The following CCDC71 variants were observed in gnomAD, a reference collection of about 807,000 sequenced individuals.
CCDC71 encodes coiled-coil domain containing 71.
For missense variants in CCDC71, 594 were observed against 604.0 expected (o/e 0.98, Z 0.17); for synonymous variants, 257 against 242.2 (o/e 1.06, Z -0.57).
In CCDC71 at chr3:49,163,465, G is replaced by A; in HGVS notation, c.744C>T (p.Pro248=). The change falls in exon 2 of 2, where the codon CCC becomes CCT. Residue 248 remains proline (P), a synonymous_variant. Transcript: ENST00000321895. Reference sequence around the variant, plus strand: ...TGCTCTGGTGCCCAGAGCCTCGTCGGGGTCCAGCCCCAGGGCCTTTGCGAG... The same window carrying A: ...TGCTCTGGTGCCCAGAGCCTCGTCGAGGTCCAGCCCCAGGGCCTTTGCGAG... ...CLTRKGPGAG[P]RRGSGHQSKT... 6.2e-7 allele frequency: 1 copy of A among 1,614,236 alleles called. No individual in the cohort carries two copies. The highest frequency in any genetic ancestry group is 8.5e-7 in the Non-Finnish European group (1 of 1,180,050).
In CCDC71 at chr3:49,162,659, T is replaced by G; in HGVS notation, c.*146A>C. 4 of 114,262 alleles carry G rather than the reference T, an allele frequency of 3.5e-5. No homozygotes were observed. The highest frequency in any genetic ancestry group is 3.2e-4 in the East Asian group (1 of 3,128). The allele number at this position is 114,262 out of a possible 1,614,324, so 7.1% of individuals were successfully genotyped here. On this transcript the variant is annotated 3_prime_UTR_variant, in exon 2 of 2. Coordinates refer to ENST00000321895, the MANE Select transcript of CCDC71 (RefSeq NM_022903.4). ...CCCCACCGTACCCCACCCACTCTGG[T>G]TTCTGAAAGGAGGCTGGTGGTCACC...
chr3:49,162,764 C>G lies in CCDC71; in HGVS notation c.*41G>C, dbSNP rs370243897. 1.1e-5 allele frequency: 18 copies of G among 1,584,230 alleles called. No individual in the cohort carries two copies. The highest frequency in any genetic ancestry group is 3.4e-5 in the Admixed American group (2 of 58,412). On this transcript the variant is annotated 3_prime_UTR_variant, in exon 2 of 2. Transcript: ENST00000321895. ...CACACTGTGCCACTAGCCACACAGA[C>G]AGCTGGGCTTAGTTTCCCCAAACAT...
Position 49,162,779 on chromosome 3 carries a change from T to TC in CCDC71, c.*25dup. The TC allele has an allele frequency of 1.2e-6, 2 of 1,602,136 alleles. No homozygotes were observed. Among genetic ancestry groups the TC allele is most frequent in the Non-Finnish European group, 1.7e-6 (2 of 1,172,698 alleles). On this transcript the variant is annotated 3_prime_UTR_variant, in exon 2 of 2. Coordinates refer to ENST00000321895, the MANE Select transcript of CCDC71 (RefSeq NM_022903.4). Reference sequence around the variant, plus strand: ...GCCACACAGACAGCTGGGCTTAGTTTCCCCAAACATTGCCGTGTGAAGGAA... The same window carrying TC: ...GCCACACAGACAGCTGGGCTTAGTTTCCCCCAAACATTGCCGTGTGAAGGAA...
chr3:49,162,726 T>C lies in CCDC71; in HGVS notation c.*79A>G. On this transcript the variant is annotated 3_prime_UTR_variant, in exon 2 of 2. Transcript: ENST00000321895. ...ACCGGGAGTCCTCAAGATTGTGGAG[T>C]CCACGGACATAGCACACTGTGCCAC... The C allele has an allele frequency of 7.3e-7, 1 of 1,371,922 alleles. No homozygotes were observed. Among genetic ancestry groups the C allele is most frequent in the Non-Finnish European group, 9.7e-7 (1 of 1,026,616 alleles). 85.0% of individuals were successfully genotyped at this position (1,371,922 alleles called of 1,614,324 possible).
chr3:49,162,908 C>T lies in CCDC71; in HGVS notation c.1301G>A (p.Arg434Gln), dbSNP rs1198108804. Residue 434 changes from arginine to glutamine, a missense_variant, in exon 2 of 2, where the codon CGG becomes CAG. Transcript: ENST00000321895. ...CTGCCGCACCTCATCATCCGAGGAC[C>T]GCCTATCTACCTTTATGGCACGGAA... ...LKFRAIKVDR[R>Q]SSDDEVRQRA... 8.1e-6 allele frequency: 13 copies of T among 1,614,266 alleles called. No homozygotes were observed. The highest frequency in any genetic ancestry group is 1.7e-4 in the Middle Eastern group (1 of 6,060).
rs760111539 is a variant in CCDC71 at position 49,163,449 on chromosome 3, G to A, written c.760C>T (p.His254Tyr). 5.6e-6 allele frequency: 9 copies of A among 1,614,258 alleles called. No individual in the cohort carries two copies. The highest frequency in any genetic ancestry group is 6.8e-6 in the Non-Finnish European group (8 of 1,180,060). Residue 254 changes from histidine (H) to tyrosine (Y), a missense_variant, in exon 2 of 2, where the codon CAC becomes TAC. Coordinates refer to ENST00000321895, the MANE Select transcript of CCDC71 (RefSeq NM_022903.4). Reference protein sequence around the residue: ...PGAGPRRGSGHQSKTNRATGS... With the variant: ...PGAGPRRGSGYQSKTNRATGS... Reference sequence around the variant, plus strand: ...GTGGCTCTGTTGGTTTTGCTCTGGTGCCCAGAGCCTCGTCGGGGTCCAGCC... The same window carrying A: ...GTGGCTCTGTTGGTTTTGCTCTGGTACCCAGAGCCTCGTCGGGGTCCAGCC...
At chr3:49,164,665 TG>T (rs1020282115) in intron 1 of CCDC71, among the ~76,000 whole-genome samples, 1 of 152,222 alleles carries the variant, frequency 6.6e-6, no homozygotes, top group African/African-American at 2.4e-5. Context: ...TTAAGATTCT[TG>T]GGAGTGAATG....
chr3:49,163,473 C>A lies in CCDC71; in HGVS notation c.736G>T (p.Ala246Ser), dbSNP rs768141357. 6 of 1,614,148 alleles carry A rather than the reference C, an allele frequency of 3.7e-6. No homozygotes were observed. The highest frequency in any genetic ancestry group is 4.2e-6 in the Non-Finnish European group (5 of 1,180,058). ...TGCCCAGAGCCTCGTCGGGGTCCAGCCCCAGGGCCTTTGCGAGTCAGACAC... is the reference window on the plus strand; with the variant it reads ...TGCCCAGAGCCTCGTCGGGGTCCAGACCCAGGGCCTTTGCGAGTCAGACAC... ...PKCLTRKGPG[A>S]GPRRGSGHQS... Residue 246 changes from alanine (A) to serine (S), a missense_variant, in exon 2 of 2, where the codon GCT (alanine) becomes TCT (serine). Physicochemically the swap from Ala to Ser is moderately conservative, Grantham distance 99. Transcript: ENST00000321895.
rs1134043 is a variant in CCDC71, at chr3:49,162,704, G to T, written c.*101C>A. Reference sequence around the variant, plus strand: ...GTCACCAGGGCCCTAGAGAGGCACCGGGAGTCCTCAAGATTGTGGAGTCCA... The same window carrying T: ...GTCACCAGGGCCCTAGAGAGGCACCTGGAGTCCTCAAGATTGTGGAGTCCA... On this transcript the variant is annotated 3_prime_UTR_variant, in exon 2 of 2. Transcript: ENST00000321895. 212,291 of 1,132,638 alleles carry T rather than the reference G, an allele frequency of 0.19. 22,217 individuals carry two copies. The highest frequency in any genetic ancestry group is 0.51 in the African/African-American group (33,339 of 64,932). The allele number at this position is 1,132,638 out of a possible 1,614,324, so 70.2% of individuals were successfully genotyped here. A position where few individuals can be genotyped will look rare whatever the true frequency, so the allele number is the denominator to read the frequency against.
Position 49,163,524 on chromosome 3 carries a change from T to C in CCDC71, c.685A>G (p.Arg229Gly), listed in dbSNP as rs761613623. ...GPGNPRPKAP[R>G]KTTSKGPKCL... is the part of the protein sequence containing the mutation. ...TTGGGGCCCTTGCTTGTGGTTTTTC[T>C]GGGAGCTTTGGGCCGAGGGTTCCCC... The change falls in exon 2 of 2, where the codon AGA (arginine) becomes GGA (glycine). Residue 229 changes from arginine to glycine, a missense_variant. Transcript: ENST00000321895. The C allele has an allele frequency of 5.6e-6, 9 of 1,614,228 alleles. No individual in the cohort carries two copies. The highest frequency in any genetic ancestry group is 7.6e-6 in the Non-Finnish European group (9 of 1,180,024).
rs2045696006 is a variant in CCDC71 at position 49,162,550 on chromosome 3, C to T, written c.*255G>A. 1.8e-6 allele frequency: 1 copy of T among 550,082 alleles called. No individual in the cohort carries two copies. Among genetic ancestry groups the T allele is most frequent in the Non-Finnish European group, 3.2e-6 (1 of 308,372 alleles). The allele number at this position is 550,082 out of a possible 1,614,324, so 34.1% of individuals were successfully genotyped here. On this transcript the variant is annotated 3_prime_UTR_variant, in exon 2 of 2. Coordinates refer to ENST00000321895, the MANE Select transcript of CCDC71 (RefSeq NM_022903.4). ...GACTGGAAGGTGGAAAGGTATAAAACGTGATAGATGGAACAGTAGACATAC... is the reference window on the plus strand; with the variant it reads ...GACTGGAAGGTGGAAAGGTATAAAATGTGATAGATGGAACAGTAGACATAC...
chr3:49,165,150 C>T (rs567892545), intron 1 of CCDC71, among the ~76,000 whole-genome samples: 7 of 152,320 alleles, frequency 4.6e-5, no homozygotes, highest in African/African-American at 1.7e-4. Context: ...GTGCCAATGA[C>T]ATCTCTCTAG....
Position 49,164,252 on chromosome 3 carries a change from G to T in CCDC71, c.-44C>A. On this transcript the variant is annotated 5_prime_UTR_variant, in exon 2 of 2. Transcript: ENST00000321895. ...TCTGCCTGGGTATCCGCAAACCAGCGCTTGGCACCTCCAAGACAAGAGGAA... is the reference window on the plus strand; with the variant it reads ...TCTGCCTGGGTATCCGCAAACCAGCTCTTGGCACCTCCAAGACAAGAGGAA... 1 of 1,569,340 alleles carries T rather than the reference G, an allele frequency of 6.4e-7. No individual in the cohort carries two copies. Among genetic ancestry groups the T allele is most frequent in the Non-Finnish European group, 8.7e-7 (1 of 1,147,750 alleles).
chr3:49,163,991 T>C lies in CCDC71; in HGVS notation c.218A>G (p.Tyr73Cys). ...TILRSGDVYG[Y>C]SSCTANPPSQ... is the part of the protein sequence containing the mutation. ...TGGGGGATTAGCTGTGCATGAACTA[T>C]AGCCATAGACATCACCACTGCGCAG... The change falls in exon 2 of 2, where the codon TAT (tyrosine) becomes TGT (cysteine). Residue 73 changes from tyrosine to cysteine, a missense_variant. Tyr to Cys is a radical substitution (Grantham distance 194, BLOSUM62 -2). Coordinates refer to ENST00000321895, the MANE Select transcript of CCDC71 (RefSeq NM_022903.4). 1.2e-6 allele frequency: 2 copies of C among 1,614,104 alleles called. No individual in the cohort carries two copies. Among genetic ancestry groups the C allele is most frequent in the East Asian group, 2.2e-5 (1 of 44,880 alleles).
intron 1 of CCDC71, among the ~76,000 whole-genome samples, chr3:49,165,407 A>G (rs750969477): frequency 1.3e-5 from 2 of 152,078 alleles, no homozygotes; most frequent in Admixed American, 6.6e-5. Context: ...CTAATACCCA[A>G]CCCAACACTG....
Position 49,163,140 on chromosome 3 carries a change from G to A in CCDC71, c.1069C>T (p.Arg357Trp), listed in dbSNP as rs201052008. 1.7e-5 allele frequency: 28 copies of A among 1,614,142 alleles called. No individual in the cohort carries two copies. Among genetic ancestry groups the A allele is most frequent in the Middle Eastern group, 1.6e-4 (1 of 6,062 alleles). The part of the protein sequence containing the change: ...KAVRAKAKVA[R>W]TQPRGRGRPK... ...CTGCCTCTGCCCCTGGGCTGGGTCC[G>A]AGCCACCTTGGCCTTGGCCCGTACT... Residue 357 changes from arginine (R) to tryptophan (W), a missense_variant, in exon 2 of 2, where the codon CGG becomes TGG. Transcript: ENST00000321895.
At chr3:49,165,788 G>A (rs2045720178) in intron 1 of CCDC71, among the ~76,000 whole-genome samples, 1 of 152,272 alleles carries the variant, frequency 6.6e-6, no homozygotes, top group Non-Finnish European at 1.5e-5. Context: ...GCAAATATTT[G>A]GGGTGACCTG....
chr3:49,165,590 T>C (rs1010706379), intron 1 of CCDC71, among the ~76,000 whole-genome samples: 1 of 152,282 alleles, frequency 6.6e-6, no homozygotes, highest in Non-Finnish European at 1.5e-5. Context: ...CTAGGGCTCT[T>C]TGTTTGGAAA....
In CCDC71 at chr3:49,163,765, T is replaced by C. The variant is rs766640865; in HGVS notation, c.444A>G (p.Gln148=). 43 of 1,613,978 alleles carry C rather than the reference T, an allele frequency of 2.7e-5. 1 individual carries two copies. The highest frequency in any genetic ancestry group is 3.4e-5 in the Non-Finnish European group (40 of 1,180,030). The change falls in exon 2 of 2, where the codon CAA becomes CAG. Residue 148 remains glutamine (Q), a synonymous_variant. Transcript: ENST00000321895. ...CACCCCGGGCATGGCTGGCACTTGA[T>C]TGCTTCAGAGAGCTCAGCAGCAGGT... ...TTNLLLSSLK[Q]SSASHARGAA... is the part of the protein sequence containing the mutation.
Sources: allele counts gnomAD v4.1 joint callset (sites outside exome capture counted in the v4.1 genomes callset), GRCh38; gene constraint gnomAD v4.1.1; transcripts MANE v1.5; gene names NCBI Gene and HGNC (gene_info 2026-07-23, HGNC 2026-07-21).